CLIC1: variants seen among roughly 807,000 people sequenced by gnomAD.
CLIC1 encodes CLIC family member 1.
CLIC1 carries 16 observed loss-of-function variants against 26.4 expected under a neutral mutation model. The observed-to-expected ratio is 0.61, with a 90% CI of 0.41 to 0.92. The LOEUF is 0.92. Among genes scored for constraint, CLIC1 ranks in the 40% least tolerant of loss-of-function variants. CLIC1 has a pLI of 0.00. For synonymous variants in CLIC1, 98 were observed against 120.8 expected (o/e 0.81, Z 1.24); for missense variants, 225 against 289.7 (o/e 0.78, Z 1.62).
At chr6:31,735,382 G>A (rs1044902407) in intron 1 of CLIC1, among the ~76,000 whole-genome samples, 4 of 151,472 alleles carry the variant, frequency 2.6e-5, no homozygotes, top group Admixed American at 1.3e-4. Context: ...GGGAGCGGCC[G>A]CTGCAATCAG....
Position 31,734,121 on chromosome 6 carries a change from C to A in CLIC1, c.149+33G>T. 6.3e-7 allele frequency: 1 copy of A among 1,595,182 alleles called. No individual in the cohort carries two copies. The highest frequency in any genetic ancestry group is 8.6e-7 in the Non-Finnish European group (1 of 1,162,906). Reference sequence around the variant, plus strand: ...TGTGTGTTTGCACACATGTGTACACCAGGGGTGTTTCAAGGAACATAAGCA... The same window carrying A: ...TGTGTGTTTGCACACATGTGTACACAAGGGGTGTTTCAAGGAACATAAGCA... On this transcript the variant is annotated intron_variant, in intron 2 of 5. Transcript: ENST00000375784. This position sits in a 1 kb window ranked among gnomAD's most constrained non-coding sequence, Gnocchi z 5.3.
upstream of CLIC1, chr6:31,736,596 G>A (rs940593703): frequency 4.5e-5 from 58 of 1,301,636 alleles, no homozygotes; most frequent in South Asian, 7.2e-4. This position sits in a 1 kb window ranked among gnomAD's most constrained non-coding sequence, Gnocchi z 5.0. Flanking sequence ...GGCGGGACTC[G>A]ACGATGTAGG....
chr6:31,731,551 CTTGGCCGCCCAAAGTG>C (rs1197310485), intron 5 of CLIC1, among the ~76,000 whole-genome samples: 1 of 152,386 alleles, frequency 6.6e-6, no homozygotes, highest in East Asian at 1.9e-4. Context: ...GTCCACCAGC[CTTGGCCGCCCAAAGTG>C]TTGGGATTAT....
In CLIC1 at chr6:31,736,250, A is replaced by C. The variant is rs1178508955; in HGVS notation, c.39+12T>G. ...CAGGAATTTGGGTGGCTGAGGAGAG[A>C]AGTGTTCTTACCTTCACGAACAATT... On this transcript the variant is annotated intron_variant, in intron 1 of 5. Transcript: ENST00000375784. The surrounding 1 kb of genome is among the most constrained non-coding windows in gnomAD (Gnocchi z 5.0). 1.2e-6 allele frequency: 2 copies of C among 1,612,668 alleles called. No homozygotes were observed. The highest frequency in any genetic ancestry group is 1.3e-5 in the African/African-American group (1 of 74,914).
Position 31,733,544 on chromosome 6 carries a change from G to A in CLIC1, c.382+22C>T. The A allele has an allele frequency of 6.3e-7, 1 of 1,585,018 alleles. No homozygotes were observed. Among genetic ancestry groups the A allele is most frequent in the Non-Finnish European group, 8.7e-7 (1 of 1,155,592 alleles). ...CCTCTCTATTCCTCCCAGGACCCAG[G>A]CCTCTGACCCACAAGACTCACTGTC... On this transcript the variant is annotated intron_variant, in intron 4 of 5. Transcript: ENST00000375784. This position sits in a 1 kb window ranked among gnomAD's most constrained non-coding sequence, Gnocchi z 5.4.
Position 31,733,655 on chromosome 6 carries a change from G to A in CLIC1, c.293C>T (p.Ala98Val). 1 of 1,613,076 alleles carries A rather than the reference G, an allele frequency of 6.2e-7. No individual in the cohort carries two copies. The highest frequency in any genetic ancestry group is 8.5e-7 in the Non-Finnish European group (1 of 1,179,994). The stretch of plus-strand genomic sequence containing the variant: ...AGCTGTGTTGGACTCAGGGTTCAGA[G>A]CTGCCAGCTTGGGGTACCTGAAAGC... Residue 98 changes from alanine to valine, a missense_variant, in exon 4 of 6, where the codon GCT becomes GTT. Coordinates refer to ENST00000375784, the Ensembl canonical transcript of CLIC1. The surrounding 1 kb of genome is among the most constrained non-coding windows in gnomAD (Gnocchi z 5.4).
chr6:31,736,539 A>G lies in CLIC1; in HGVS notation c.-239T>C. 7.4e-7 allele frequency: 1 copy of G among 1,358,846 alleles called. No individual in the cohort carries two copies. Among genetic ancestry groups the G allele is most frequent in the South Asian group, 1.8e-5 (1 of 54,936 alleles). The allele number at this position is 1,358,846 out of a possible 1,614,324, so 84.2% of individuals were successfully genotyped here. A position where few individuals can be genotyped will look rare whatever the true frequency, so the allele number is the denominator to read the frequency against. On this transcript the variant is annotated 5_prime_UTR_variant, in exon 1 of 6. Transcript: ENST00000375784. This position sits in a 1 kb window ranked among gnomAD's most constrained non-coding sequence, Gnocchi z 5.0. ...CCCGGGCTGGATCAGAGAGCCGCTG[A>G]CTCACCGACCGGCCCCGCCCTGAAC...
Position 31,734,239 on chromosome 6 carries a change from C to G in CLIC1, c.64G>C (p.Gly22Arg). The G allele has an allele frequency of 6.2e-7, 1 of 1,614,188 alleles. No individual in the cohort carries two copies. Among genetic ancestry groups the G allele is most frequent in the Non-Finnish European group, 8.5e-7 (1 of 1,180,028 alleles). ...AGTCTCTGGGAGAATGGGCAGTTCC[C>G]AATCTTGGCCCCATCACTGCCAGCC... Residue 22 changes from glycine to arginine, a missense_variant, in exon 2 of 6, where the codon GGG becomes CGG. By Grantham distance (125) the Gly-to-Arg change is moderately radical. Coordinates refer to ENST00000375784, the Ensembl canonical transcript of CLIC1. The surrounding 1 kb of genome is among the most constrained non-coding windows in gnomAD (Gnocchi z 5.3).
Position 31,733,312 on chromosome 6 carries a change from A to G in CLIC1, c.382+254T>C, listed in dbSNP as rs1808103053. ...TAAGCATGACCCTATTCTGCCAGAAAACAGGCCAGCAGCCAACTAACGTCC... is the reference window on the plus strand; with the variant it reads ...TAAGCATGACCCTATTCTGCCAGAAGACAGGCCAGCAGCCAACTAACGTCC... On this transcript the variant is annotated intron_variant, in intron 4 of 5. Transcript: ENST00000375784. This position sits in a 1 kb window ranked among gnomAD's most constrained non-coding sequence, Gnocchi z 5.4. Among the ~76,000 whole-genome samples the G allele has an allele frequency of 6.6e-6, 1 of 152,164 alleles. No homozygotes were observed. The highest frequency in any genetic ancestry group is 6.5e-5 in the Admixed American group (1 of 15,282).
chr6:31,734,017 G>C lies in CLIC1; in HGVS notation c.150-56C>G. The C allele has an allele frequency of 7.5e-6, 12 of 1,603,784 alleles. No individual in the cohort carries two copies. The highest frequency in any genetic ancestry group is 7.7e-6 in the Non-Finnish European group (9 of 1,173,472). ...AATGGGGGTCAGGAAGAACCAGAAA[G>C]GGGGAATGGAGGACGTGGGATAAGA... On this transcript the variant is annotated intron_variant, in intron 2 of 5. Coordinates refer to ENST00000375784, the Ensembl canonical transcript of CLIC1. The surrounding 1 kb of genome is among the most constrained non-coding windows in gnomAD (Gnocchi z 5.3).
chr6:31,734,292 G>C lies in CLIC1; in HGVS notation c.40-29C>G. On this transcript the variant is annotated intron_variant, in intron 1 of 5. Transcript: ENST00000375784. The surrounding 1 kb of genome is among the most constrained non-coding windows in gnomAD (Gnocchi z 5.3). ...AAAAGTAACCCCAACCCAAGGTTAT[G>C]CCTGATGCACCCCACCCATCCCTAG... The C allele has an allele frequency of 6.4e-7, 1 of 1,555,862 alleles. No individual in the cohort carries two copies. The highest frequency in any genetic ancestry group is 2.2e-5 in the East Asian group (1 of 44,524).
Position 31,733,859 on chromosome 6 carries a change from C to T in CLIC1, c.252G>A (p.Leu84=). The T allele has an allele frequency of 6.2e-7, 1 of 1,614,204 alleles. No individual in the cohort carries two copies. The highest frequency in any genetic ancestry group is 1.6e-4 in the Middle Eastern group (1 of 6,062). Residue 84 remains leucine (L), a synonymous_variant, in exon 3 of 6, where the codon CTG becomes CTA. Coordinates refer to ENST00000375784, the Ensembl canonical transcript of CLIC1. The surrounding 1 kb of genome is among the most constrained non-coding windows in gnomAD (Gnocchi z 5.4). ...ACCTGGGAGGGCACAGCACTGCCTC[C>T]AGAAATTCCTCAATCTTGTTGGTGT...
At position 31,736,325 on chromosome 6, in the gene CLIC1, G is replaced by A; in HGVS notation, c.-25C>T. The A allele has an allele frequency of 6.2e-7, 1 of 1,612,736 alleles. No homozygotes were observed. Among genetic ancestry groups the A allele is most frequent in the Non-Finnish European group, 8.5e-7 (1 of 1,179,990 alleles). ...TGGTTGCGTCGGGGACCAGGAAGTG[G>A]CCGTCCCTGGGGGAACTGGGAGGGG... On this transcript the variant is annotated 5_prime_UTR_variant, in exon 1 of 6. Transcript: ENST00000375784. The surrounding 1 kb of genome is among the most constrained non-coding windows in gnomAD (Gnocchi z 5.0).
At position 31,733,959 on chromosome 6, in the gene CLIC1, C is replaced by T. The variant is rs775982328; in HGVS notation, c.152G>A (p.Arg51Gln). The T allele has an allele frequency of 1.1e-5, 17 of 1,612,072 alleles. No individual in the cohort carries two copies. The highest frequency in any genetic ancestry group is 8.9e-5 in the East Asian group (4 of 44,834). Residue 51 changes from arginine to glutamine, a missense_variant and splice_region_variant, in exon 3 of 6, where the codon CGG becomes CAG. Arg to Gln is a conservative substitution (Grantham distance 43). Transcript: ENST00000375784. This position sits in a 1 kb window ranked among gnomAD's most constrained non-coding sequence, Gnocchi z 5.4. ...GCACAGCTTCTGCACTGTCTCGGTC[C>T]GCCTGGAGAAAGGATCAGGAATCAG...
chr6:31,734,078 CAGA>C lies in CLIC1; in HGVS notation c.149+73_149+75del, dbSNP rs2151318381. 2 of 1,583,186 alleles carry C rather than the reference CAGA, an allele frequency of 1.3e-6. No individual in the cohort carries two copies. Among genetic ancestry groups the C allele is most frequent in the South Asian group, 1.1e-5 (1 of 90,388 alleles). On this transcript the variant is annotated intron_variant, in intron 2 of 5. Coordinates refer to ENST00000375784, the Ensembl canonical transcript of CLIC1. The surrounding 1 kb of genome is among the most constrained non-coding windows in gnomAD (Gnocchi z 5.3). ...AGGGGGAGGGCAAAAATGTTCATGA[CAGA>C]AGGACTCGGGTGGGTGTGTGTTTGC...
At chr6:31,736,841 G>C, upstream of CLIC1, 1 of 986,860 alleles carries the variant, frequency 1.0e-6, no homozygotes, top group Non-Finnish European at 1.2e-6. The surrounding 1 kb of genome is among the most constrained non-coding windows in gnomAD (Gnocchi z 5.0). Context: ...ACTTCAAATG[G>C]AAAGGTGGTC....
chr6:31,733,590 T>C lies in CLIC1; in HGVS notation c.358A>G (p.Asn120Asp). ...CTGTCATTGAGTGCTGGGTTTGAAT[T>C]CTTGATGTAGGCAGAAAATTTGGCA... Residue 120 changes from asparagine to aspartate, a missense_variant, in exon 4 of 6, where the codon AAT becomes GAT. Coordinates refer to ENST00000375784, the Ensembl canonical transcript of CLIC1. The surrounding 1 kb of genome is among the most constrained non-coding windows in gnomAD (Gnocchi z 5.4). 6.2e-7 allele frequency: 1 copy of C among 1,612,870 alleles called. No individual in the cohort carries two copies. The highest frequency in any genetic ancestry group is 8.5e-7 in the Non-Finnish European group (1 of 1,179,928).
Position 31,730,721 on chromosome 6 carries a change from A to G in CLIC1, c.*121T>C, listed in dbSNP as rs1807851982. ...CTCTTCCACCACACCATCCCGGAAC[A>G]AGTGCTCCAGGATTCCCTGCCCACT... On this transcript the variant is annotated 3_prime_UTR_variant, in exon 6 of 6. Transcript: ENST00000375784. This position sits in a 1 kb window ranked among gnomAD's most constrained non-coding sequence, Gnocchi z 5.1. 1 of 1,052,462 alleles carries G rather than the reference A, an allele frequency of 9.5e-7. No homozygotes were observed. The highest frequency in any genetic ancestry group is 1.6e-5 in the African/African-American group (1 of 63,068). The allele number at this position is 1,052,462 out of a possible 1,614,324, so 65.2% of individuals were successfully genotyped here.
At chr6:31,731,551 C>G (rs1237583867) in intron 5 of CLIC1, among the ~76,000 whole-genome samples, 3 of 152,268 alleles carry the variant, frequency 2.0e-5, no homozygotes, top group African/African-American at 7.2e-5. Context: ...GTCCACCAGC[C>G]TTGGCCGCCC....
Sources: gnomAD v4.1 joint callset for allele counts (sites outside exome capture counted in the v4.1 genomes callset) on GRCh38, gnomAD v4.1.1 for gene constraint, Gnocchi (gnomAD v3.1) non-coding constraint, MANE v1.5 for transcripts, NCBI Gene and HGNC (gene_info 2026-07-23, HGNC 2026-07-21) for gene names.